Variants in LARGE1 observed in about 807,000 individuals in gnomAD.
The protein encoded by LARGE1 is LARGE xylosyl- and glucuronyltransferase 1.
A neutral mutation model predicts 87.6 loss-of-function variants in LARGE1; 43 were observed. The observed-to-expected ratio is 0.49, with a 90% confidence interval of 0.38 to 0.63. The LOEUF (loss-of-function observed/expected upper bound fraction) is 0.63. Ranked by LOEUF, LARGE1 falls within the 30% of genes least tolerant of loss-of-function variation. LARGE1 has a pLI of 0.00. For missense variants in LARGE1, 802 were observed against 1,000.2 expected, an observed-to-expected ratio of 0.80 and a Z score of 2.67; for synonymous variants, 434 against 394.6, an observed-to-expected ratio of 1.10 and a Z score of -1.18.
the LARGE1 span, among the ~76,000 whole-genome samples, chr22:33,154,019 C>A: frequency 6.6e-6 from 1 of 152,074 alleles, no homozygotes; most frequent in Non-Finnish European, 1.5e-5. Context: ...CCTCTTCTGC[C>A]AAGGTCATAT....
At chr22:33,270,105 C>T (rs1928169759), downstream of LARGE1, among the ~76,000 whole-genome samples, 1 of 152,106 alleles carries the variant, frequency 6.6e-6, no homozygotes, top group African/African-American at 2.4e-5. Flanking sequence ...GTGGCACCCC[C>T]ATTACCTCCT....
intron 5 of LARGE1, among the ~76,000 whole-genome samples, chr22:33,579,706 C>T (rs747893310): frequency 2.0e-5 from 3 of 152,090 alleles, no homozygotes; most frequent in Non-Finnish European, 4.4e-5. Flanking sequence ...GGAACACAAG[C>T]CATGCTAAAG....
chr22:33,872,375 T>C (rs2064320666), intron 1 of LARGE1, among the ~76,000 whole-genome samples: 1 of 148,508 alleles, frequency 6.7e-6, no homozygotes, highest in African/African-American at 2.5e-5. Flanking sequence ...TTATTATTAT[T>C]ATTATTATTA....
At chr22:33,461,205 T>G (rs1441229102) in intron 6 of LARGE1, among the ~76,000 whole-genome samples, 2 of 152,192 alleles carry the variant, frequency 1.3e-5, no homozygotes, top group South Asian at 4.1e-4. Context: ...CAAGGATTGC[T>G]ACAGCCCAGG....
intron 5 of LARGE1, among the ~76,000 whole-genome samples, chr22:33,591,696 G>A (rs1352842892): frequency 2.6e-5 from 4 of 151,682 alleles, no homozygotes; most frequent in African/African-American, 9.7e-5. Context: ...TTTAGTGTGT[G>A]CTTTTTATGT....
intron 7 of LARGE1, among the ~76,000 whole-genome samples, chr22:33,397,271 A>G (rs2065781316): frequency 6.6e-6 from 1 of 152,056 alleles, no homozygotes; most frequent in South Asian, 2.1e-4. Flanking sequence ...ATGTGCCACT[A>G]TGCCCGGCTA....
chr22:33,523,948 C>T (rs5754585), intron 6 of LARGE1, among the ~76,000 whole-genome samples: 79,208 of 151,816 alleles, frequency 0.52, 20,973 homozygotes, highest in Admixed American at 0.6. Flanking sequence ...GCAATCAAAA[C>T]AGAGAACTGT....
At chr22:33,392,704 A>G (rs1234043813) in intron 7 of LARGE1, among the ~76,000 whole-genome samples, 1 of 152,144 alleles carries the variant, frequency 6.6e-6, no homozygotes, top group Non-Finnish European at 1.5e-5. Context: ...TGGCATCTTT[A>G]AAGTGGATGC....
rs1929420300 is a variant in LARGE1 at position 33,276,929 on chromosome 22, T to C, written c.2073+131A>G. ...GGATCAAGAGCCCAAGGATCAGTAC[T>C]ACCACTGGTCCTCAAGCATATCTTG... On this transcript the variant is annotated intron_variant, in intron 14 of 14. Coordinates refer to ENST00000397394, the MANE Select transcript of LARGE1 (RefSeq NM_133642.5). 5 of 889,766 alleles carry C rather than the reference T, an allele frequency of 5.6e-6. No individual in the cohort carries two copies. In the South Asian group the frequency reaches 6.9e-5, roughly 12 times the overall value. 55.1% of individuals were successfully genotyped at this position (889,766 alleles called of 1,614,324 possible).
At chr22:33,074,456 C>G in the LARGE1 span, among the ~76,000 whole-genome samples, 1 of 152,164 alleles carries the variant, frequency 6.6e-6, no homozygotes, top group East Asian at 1.9e-4. Flanking sequence ...GGGCAGACCA[C>G]TTGAGGTCAG....
Position 33,274,733 on chromosome 22 carries a change from C to G in LARGE1, c.2074-109G>C. 5.3e-6 allele frequency: 5 copies of G among 939,068 alleles called. No individual in the cohort carries two copies. In the South Asian group the frequency reaches 6.8e-5, roughly 13 times the overall value. The allele number at this position is 939,068 out of a possible 1,614,324, so 58.2% of individuals were successfully genotyped here. ...TAGTGAATGAATGACTTGATAATGG[C>G]ACCCACAAGCAGATGGCAAAGGACA... On this transcript the variant is annotated intron_variant, in intron 14 of 14. Transcript: ENST00000397394.
At chr22:33,380,078 T>G (rs1294427868) in intron 9 of LARGE1, among the ~76,000 whole-genome samples, 1 of 152,236 alleles carries the variant, frequency 6.6e-6, no homozygotes, top group Non-Finnish European at 1.5e-5. Flanking sequence ...CTGTCATTGT[T>G]TCTGGCCTTT....
intron 6 of LARGE1, among the ~76,000 whole-genome samples, chr22:33,479,400 A>AGAGGGAAAGGGAAGGGAGAAAG (rs1189440287): frequency 1.3e-5 from 2 of 152,242 alleles, no homozygotes. Flanking sequence ...AACAGAAGGA[A>AGAGGGAAAGGGAAGGGAGAAAG]GAGGGAAAGG....
At chr22:33,650,320 A>G (rs1260860499) in intron 3 of LARGE1, 47 bp downstream of exon 3, 2 of 1,610,818 alleles carry the variant, frequency 1.2e-6, no homozygotes, top group East Asian at 2.2e-5. Context: ...GGTGAGGGCA[A>G]TCGGGACTTT....
At chr22:33,918,145 A>C (rs2065841176) in intron 1 of LARGE1, among the ~76,000 whole-genome samples, 1 of 152,184 alleles carries the variant, frequency 6.6e-6, no homozygotes, top group South Asian at 2.1e-4. Flanking sequence ...ACCTATGATG[A>C]GATGAAAAAA....
chr22:33,614,713 C>T (rs1207082854), intron 4 of LARGE1, among the ~76,000 whole-genome samples: 1 of 152,180 alleles, frequency 6.6e-6, no homozygotes, highest in Non-Finnish European at 1.5e-5. Flanking sequence ...TCCCACTGTC[C>T]TGTCAGATTT....
chr22:33,462,973 G>A (rs2068440367), intron 6 of LARGE1, among the ~76,000 whole-genome samples: 2 of 152,154 alleles, frequency 1.3e-5, no homozygotes, highest in South Asian at 4.1e-4. Context: ...CAGACTTGAA[G>A]TTAAATATTC....
At chr22:33,608,460 C>T (rs2079329419) in intron 4 of LARGE1, among the ~76,000 whole-genome samples, 2 of 152,152 alleles carry the variant, frequency 1.3e-5, no homozygotes, top group Admixed American at 6.5e-5. Context: ...TCTGCTAACT[C>T]TGCACCTTGT....
intron 7 of LARGE1, among the ~76,000 whole-genome samples, chr22:33,409,939 G>A (rs1157096827): frequency 1.3e-5 from 2 of 151,942 alleles, no homozygotes; most frequent in Non-Finnish European, 2.9e-5. Flanking sequence ...TAGGAGTTCA[G>A]TGATGGCTAG....
Sources: allele counts gnomAD v4.1 joint callset (sites outside exome capture counted in the v4.1 genomes callset), GRCh38; gene constraint gnomAD v4.1.1; transcripts MANE v1.5; gene names NCBI Gene and HGNC (gene_info 2026-07-23, HGNC 2026-07-21).